The following SUPT7L variants were observed in gnomAD, a reference collection of about 807,000 sequenced individuals.
SUPT7L encodes SPT7 like, STAGA complex subunit gamma, also known as STAGA complex 65 subunit gamma.
A neutral mutation model predicts 35.7 loss-of-function variants in SUPT7L; 15 were observed. The observed-to-expected ratio is 0.42, with a 90% CI of 0.28 to 0.65. The LOEUF (loss-of-function observed/expected upper bound fraction) is 0.65, where lower values mean the gene tolerates loss of function less well. Among genes scored for constraint, SUPT7L ranks in the 30% least tolerant of loss-of-function variants. The probability of loss-of-function intolerance (pLI) is 0.23; values close to 1 mark genes in which losing one functional copy is unlikely to be tolerated. For synonymous variants in SUPT7L, 168 were observed against 186.2 expected, an observed-to-expected ratio of 0.90 and a Z score of 0.79; for missense variants, 434 against 522.2, an observed-to-expected ratio of 0.83 and a Z score of 1.65.
chr2:27,662,354 T>C, intron 1 of SUPT7L, 73 bp from the exon 2 acceptor site: 3 of 750,746 alleles, frequency 4.0e-6, no homozygotes, highest in South Asian at 1.8e-5. Flanking sequence ...TAGAGGTATA[T>C]GGACCTGGGG....
At position 27,653,476 on chromosome 2, in the gene SUPT7L, C is replaced by CTT; in HGVS notation, c.*7_*8dup. On this transcript the variant is annotated 3_prime_UTR_variant, in exon 6 of 6. Transcript: ENST00000337768. ...GTAGGTCTGGACAAAACATCTCCCT[C>CTT]TTTTCCTTTTATATTTTCCTCATCC... 1.9e-6 allele frequency: 3 copies of CTT among 1,611,624 alleles called. No homozygotes were observed. The highest frequency in any genetic ancestry group is 2.5e-6 in the Non-Finnish European group (3 of 1,178,992).
At chr2:27,642,601 A>C in the SUPT7L span, 1 of 877,274 alleles carries the variant, frequency 1.1e-6, no homozygotes, top group Non-Finnish European at 1.8e-6. Flanking sequence ...TTTGAGACGG[A>C]GTTTCACTCT....
downstream of SUPT7L, among the ~76,000 whole-genome samples, chr2:27,649,210 A>T (rs537998115): frequency 5.1e-4 from 78 of 151,616 alleles, 1 homozygote; most frequent in South Asian, 0.014. Context: ...TCACCATTGC[A>T]CTCAGGCCTC....
chr2:27,648,336 ATAGT>A (rs906643981), downstream of SUPT7L, among the ~76,000 whole-genome samples: 15 of 152,152 alleles, frequency 9.9e-5, no homozygotes, highest in African/African-American at 2.9e-4. Flanking sequence ...CCTGGGCAAC[ATAGT>A]TAGTCCCACT....
At chr2:27,656,351 G>A (rs2148113755) in intron 4 of SUPT7L, among the ~76,000 whole-genome samples, 1 of 152,270 alleles carries the variant, frequency 6.6e-6, no homozygotes. Context: ...CTGGTTCCAA[G>A]CAAAATCATC....
chr2:27,642,952 T>TACACACACACACACAC, the SUPT7L span, among the ~76,000 whole-genome samples: 32 of 38,052 alleles, frequency 8.4e-4, no homozygotes, highest in South Asian at 9.6e-3. Context: ...TTTATATATA[T>TACACACACACACACAC]ATATATACAC....
chr2:27,643,945 G>A, the SUPT7L span, among the ~76,000 whole-genome samples: 15 of 152,180 alleles, frequency 9.9e-5, no homozygotes, highest in Non-Finnish European at 1.5e-4. This position sits in a 1 kb window ranked among gnomAD's most constrained non-coding sequence, Gnocchi z 4.0. Context: ...TTGGGAGGCC[G>A]AGGCGGGTGG....
In SUPT7L at chr2:27,653,066, G is replaced by C. The variant is rs1674630832; in HGVS notation, c.*419C>G. The C allele has an allele frequency of 5.8e-6, 1 of 171,536 alleles. No homozygotes were observed. The highest frequency in any genetic ancestry group is 2.4e-5 in the African/African-American group (1 of 41,738). The allele number at this position is 171,536 out of a possible 1,614,324, so 10.6% of individuals were successfully genotyped here. A position where few individuals can be genotyped will look rare whatever the true frequency, so the allele number is the denominator to read the frequency against. ...TCAAGTTAAATGAAAACTGACATCT[G>C]ATATGAGCATATATTATTAGTCTAT... On this transcript the variant is annotated 3_prime_UTR_variant, in exon 6 of 6. Transcript: ENST00000337768.
chr2:27,659,191 T>G (rs1674940118), intron 3 of SUPT7L, among the ~76,000 whole-genome samples: 1 of 152,222 alleles, frequency 6.6e-6, no homozygotes, highest in Admixed American at 6.5e-5. Context: ...CCTCCCCTTT[T>G]CATTATTCCA....
At chr2:27,655,659 C>T in intron 4 of SUPT7L, 57 bp from the exon 5 acceptor site, 1 of 1,432,120 alleles carries the variant, frequency 7.0e-7, no homozygotes, top group South Asian at 1.4e-5. Context: ...GTTGGATAGT[C>T]AGCTTGTGAC....
At chr2:27,650,517 G>T, downstream of SUPT7L, 1 of 174,540 alleles carries the variant, frequency 5.7e-6, no homozygotes. Flanking sequence ...TGCTGCTGAG[G>T]AATGGAATCA....
intron 3 of SUPT7L, among the ~76,000 whole-genome samples, chr2:27,659,751 T>C (rs538147985): frequency 5.3e-5 from 8 of 152,242 alleles, no homozygotes; most frequent in African/African-American, 1.9e-4. Flanking sequence ...CAACTTACTT[T>C]AAAATGGGGG....
At chr2:27,662,036 TTTGTATGTCATCTA>T (rs1675138441) in intron 2 of SUPT7L, 129 bp downstream of exon 2, 1 of 1,118,512 alleles carries the variant, frequency 8.9e-7, no homozygotes, top group Non-Finnish European at 1.3e-6. Context: ...CCAATCTCTC[TTTGTATGTCATCTA>T]TTCTCTACAC....
intron 3 of SUPT7L, among the ~76,000 whole-genome samples, chr2:27,658,661 C>T (rs1479893766): frequency 2.0e-5 from 3 of 152,190 alleles, no homozygotes; most frequent in Non-Finnish European, 4.4e-5. Flanking sequence ...GAGTGGTTAT[C>T]CACCCACTAA....
chr2:27,662,821 C>T (rs1251063857), intron 1 of SUPT7L, among the ~76,000 whole-genome samples: 1 of 152,100 alleles, frequency 6.6e-6, no homozygotes. Context: ...ACTCTGTAGC[C>T]CAGGCTGGAG....
Position 27,655,517 on chromosome 2 carries a change from T to C in SUPT7L, c.830A>G (p.Glu277Gly), listed in dbSNP as rs764592470. 1 of 1,613,978 alleles carries C rather than the reference T, an allele frequency of 6.2e-7. No individual in the cohort carries two copies. Among genetic ancestry groups the C allele is most frequent in the Admixed American group, 1.7e-5 (1 of 59,978 alleles). ...AAAAGTGATGTCGCTCACAGGTTCC[T>C]CCTTGATCTTCACAGGTTTAGCGTC... ...TEDAKPVKIKEEPVSDITFPV... is the reference protein window; with the variant it reads ...TEDAKPVKIKGEPVSDITFPV... The change falls in exon 5 of 6, where the codon GAG becomes GGG. Residue 277 changes from glutamate (E) to glycine (G), a missense_variant. Physicochemically the swap from Glu to Gly is moderately conservative, Grantham distance 98 (BLOSUM62 -2). Around this residue, in one of 3 missense-constraint regions of SUPT7L, gnomAD observed 159 missense variants for 217.1 expected, o/e 0.73. Coordinates refer to ENST00000337768, the MANE Select transcript of SUPT7L (RefSeq NM_014860.3).
chr2:27,654,885 C>T (rs887842490), intron 5 of SUPT7L, among the ~76,000 whole-genome samples: 1 of 152,146 alleles, frequency 6.6e-6, no homozygotes. Context: ...ATTTCAATGT[C>T]TTTCATCTTC....
At chr2:27,661,887 T>G in intron 2 of SUPT7L, 1 of 473,298 alleles carries the variant, frequency 2.1e-6, no homozygotes, top group Non-Finnish European at 3.8e-6. Flanking sequence ...TAATAAGAAG[T>G]GGTTCTTACT....
intron 5 of SUPT7L, 150 bp from the exon 6 acceptor site, chr2:27,653,897 A>G: frequency 9.5e-7 from 1 of 1,048,940 alleles, no homozygotes; most frequent in Non-Finnish European, 1.4e-6. Context: ...TATGGTTGTT[A>G]CTCTCTGCTT....
Sources: gnomAD v4.1 joint callset for allele counts (sites outside exome capture counted in the v4.1 genomes callset) on GRCh38, gnomAD v4.1.1 for gene constraint, gnomAD v4.1.1 regional missense constraint, Gnocchi (gnomAD v3.1) non-coding constraint, MANE v1.5 for transcripts, NCBI Gene and HGNC (gene_info 2026-07-23, HGNC 2026-07-21) for gene names.